The following FRMD5 variants were observed in gnomAD, a reference collection of about 807,000 sequenced individuals.
The protein encoded by FRMD5 is FERM domain containing 5.
Under a neutral mutation model 69.0 loss-of-function variants are expected in FRMD5, and 20 were observed. The ratio of observed to expected loss-of-function variants is 0.29; its 90% CI spans 0.20 to 0.42. The LOEUF (loss-of-function observed/expected upper bound fraction) is 0.42. Among genes scored for constraint, FRMD5 ranks in the 10% least tolerant of loss-of-function variants. FRMD5 has a pLI of 1.00. For missense variants in FRMD5, 595 were observed against 708.6 expected (o/e 0.84, Z 1.82); for synonymous variants, 271 against 260.1 (o/e 1.04, Z -0.40).
intron 1 of FRMD5, among the ~76,000 whole-genome samples, chr15:43,996,113 G>A (rs1889910793): frequency 6.6e-6 from 1 of 151,926 alleles, no homozygotes; most frequent in Non-Finnish European, 1.5e-5. Flanking sequence ...TGTGTGGGCT[G>A]ACCTGCCTCT....
intron 1 of FRMD5, among the ~76,000 whole-genome samples, chr15:44,079,191 A>G (rs2140440552): frequency 6.6e-6 from 1 of 152,268 alleles, no homozygotes; most frequent in African/African-American, 2.4e-5. Context: ...CCATTAGGAA[A>G]ATGCAAATCA....
chr15:43,919,918 A>T, intron 2 of FRMD5, 109 bp from the exon 3 acceptor site: 3 of 971,148 alleles, frequency 3.1e-6, no homozygotes, highest in Non-Finnish European at 4.9e-6. Context: ...GGGTGAAAGC[A>T]GCCCAAAAGC....
chr15:44,030,979 A>AG (rs1461630585), intron 1 of FRMD5, among the ~76,000 whole-genome samples: 1 of 151,380 alleles, frequency 6.6e-6, no homozygotes, highest in East Asian at 1.9e-4. Context: ...AAAAGAAAAA[A>AG]AAAAAGAAGC....
At chr15:44,065,420 A>G (rs1034195438) in intron 1 of FRMD5, among the ~76,000 whole-genome samples, 2 of 152,194 alleles carry the variant, frequency 1.3e-5, no homozygotes, top group African/African-American at 2.4e-5. Flanking sequence ...TCATTTTCCT[A>G]TTAAGACCTG....
In FRMD5 at chr15:44,062,142, T is replaced by G. The variant is rs111424522; in HGVS notation, c.102+132811A>C. ...GTGATTTTGTCATTTATTTTCCTGA[T>G]GTAAATAAAGACTTTATTTTCTTGT... On this transcript the variant is annotated intron_variant, in intron 1 of 13. Transcript: ENST00000417257. Among the ~76,000 whole-genome samples, 14 of 152,370 alleles carry G rather than the reference T, an allele frequency of 9.2e-5. No homozygotes were observed. The East Asian group carries it at 2.5e-3, about 27-fold the overall frequency.
chr15:44,134,121 CTTTGT>C (rs934780202), intron 1 of FRMD5, among the ~76,000 whole-genome samples: 5 of 151,678 alleles, frequency 3.3e-5, no homozygotes, highest in Admixed American at 6.6e-5. Context: ...CTGGCAAATA[CTTTGT>C]TTTTTTTTTT....
At chr15:43,946,442 T>A (rs2089948587) in intron 1 of FRMD5, among the ~76,000 whole-genome samples, 1 of 152,208 alleles carries the variant, frequency 6.6e-6, no homozygotes, top group Non-Finnish European at 1.5e-5. Flanking sequence ...GCCATGTACT[T>A]TATTTACACA....
intron 1 of FRMD5, among the ~76,000 whole-genome samples, chr15:44,069,487 TA>T (rs199585914): frequency 1.0e-4 from 15 of 146,638 alleles, no homozygotes; most frequent in East Asian, 4.0e-4. Flanking sequence ...TACTCAGCAA[TA>T]AAAAAAAAAC....
At chr15:43,875,348 CAA>C (rs1202161221) in intron 13 of FRMD5, among the ~76,000 whole-genome samples, 1,120 of 46,728 alleles carry the variant, frequency 0.024, 12 homozygotes, top group Middle Eastern at 0.048. Context: ...AAGACTGTCT[CAA>C]AAAAAAAAAA....
At chr15:44,163,120 G>A (rs1299307294) in intron 1 of FRMD5, among the ~76,000 whole-genome samples, 2 of 152,182 alleles carry the variant, frequency 1.3e-5, no homozygotes, top group South Asian at 2.1e-4. Flanking sequence ...CTTGCAGTGA[G>A]CCGAGATTGC....
chr15:44,037,644 TTA>T (rs958381472), intron 1 of FRMD5, among the ~76,000 whole-genome samples: 4 of 151,478 alleles, frequency 2.6e-5, no homozygotes, highest in African/African-American at 9.7e-5. Flanking sequence ...TTTTTTTTTT[TTA>T]TAGTTTTAGT....
intron 1 of FRMD5, among the ~76,000 whole-genome samples, chr15:43,960,112 G>A (rs777979188): frequency 1.7e-4 from 26 of 151,520 alleles, no homozygotes; most frequent in African/African-American, 4.4e-4. Context: ...TTTTTGAGAC[G>A]GAGTCTCGCT....
At chr15:43,905,693 C>A (rs927326675) in intron 6 of FRMD5, 135 bp downstream of exon 6, 7 of 1,092,726 alleles carry the variant, frequency 6.4e-6, no homozygotes, top group Non-Finnish European at 8.1e-6. Flanking sequence ...AATGGTACAT[C>A]CGCGGTCAGG....
At chr15:43,995,746 G>C (rs1889889515) in intron 1 of FRMD5, among the ~76,000 whole-genome samples, 1 of 152,116 alleles carries the variant, frequency 6.6e-6, no homozygotes, top group Admixed American at 6.5e-5. Flanking sequence ...CTGGCCTGAA[G>C]ACTGGGTCCA....
intron 1 of FRMD5, among the ~76,000 whole-genome samples, chr15:44,072,776 G>A (rs748566186): frequency 7.2e-5 from 11 of 151,984 alleles, no homozygotes; most frequent in African/African-American, 2.2e-4. Context: ...CCAAATTTGC[G>A]CTAGCAATAA....
intron 4 of FRMD5, among the ~76,000 whole-genome samples, chr15:43,917,306 G>T (rs2089408585): frequency 6.6e-6 from 1 of 152,162 alleles, no homozygotes; most frequent in South Asian, 2.1e-4. Context: ...ACCTCTTTTA[G>T]CAGAGACAGA....
chr15:44,051,139 C>CT (rs779951038), intron 1 of FRMD5, among the ~76,000 whole-genome samples: 1,252 of 78,394 alleles, frequency 0.016, 464 homozygotes, highest in East Asian at 0.032. Flanking sequence ...CATTCAGTCA[C>CT]TTTTTTTTTT....
intron 1 of FRMD5, among the ~76,000 whole-genome samples, chr15:44,011,444 A>C (rs945494874): frequency 1.1e-4 from 17 of 152,310 alleles, no homozygotes; most frequent in Middle Eastern, 3.4e-3. Flanking sequence ...GATGTCATTC[A>C]AGAACAGGTG....
intron 1 of FRMD5, among the ~76,000 whole-genome samples, chr15:44,064,998 A>G (rs1166987814): frequency 6.6e-6 from 1 of 152,210 alleles, no homozygotes; most frequent in African/African-American, 2.4e-5. Flanking sequence ...CACTGAGAAT[A>G]GACATTTATT....
Sources: gnomAD v4.1 joint callset for allele counts (sites outside exome capture counted in the v4.1 genomes callset) on GRCh38, gnomAD v4.1.1 for gene constraint, MANE v1.5 for transcripts, NCBI Gene and HGNC (gene_info 2026-07-23, HGNC 2026-07-21) for gene names.